The following MFHAS1 variants were observed in gnomAD, a reference collection of about 807,000 sequenced individuals.
MFHAS1 encodes the protein multifunctional ROCO family signaling regulator 1, also known as malignant fibrous histiocytoma-amplified sequence 1.
A neutral mutation model predicts 70.4 loss-of-function variants in MFHAS1; 50 were observed. The observed-to-expected ratio is 0.71, with a 90% CI of 0.57 to 0.90. The LOEUF is 0.90. Ranked by LOEUF, MFHAS1 falls within the 40% of genes least tolerant of loss-of-function variation. The pLI, the probability that MFHAS1 is intolerant of heterozygous loss-of-function variation, is 0.00. For missense variants in MFHAS1, 1,795 were observed against 1,347.6 expected (o/e 1.33, Z -5.20); for synonymous variants, 952 against 620.0 (o/e 1.54, Z -7.96).
At chr8:8,803,279 G>A (rs1259829113) in intron 1 of MFHAS1, among the ~76,000 whole-genome samples, 1 of 151,980 alleles carries the variant, frequency 6.6e-6, no homozygotes, top group Non-Finnish European at 1.5e-5. Flanking sequence ...GGGAGGCCGA[G>A]GGGTGGGGGC....
intron 1 of MFHAS1, among the ~76,000 whole-genome samples, chr8:8,853,628 G>A (rs1317357876): frequency 1.4e-4 from 22 of 152,112 alleles, no homozygotes; most frequent in Admixed American, 1.2e-3. Flanking sequence ...GTGCAATGGC[G>A]CAATCTCAGC....
At chr8:8,857,731 G>A (rs548215078) in intron 1 of MFHAS1, among the ~76,000 whole-genome samples, 1 of 151,658 alleles carries the variant, frequency 6.6e-6, no homozygotes, top group Non-Finnish European at 1.5e-5. Flanking sequence ...AGGCACTCTA[G>A]CCTGGGCAAC....
At chr8:8,862,758 G>A (rs956324291) in intron 1 of MFHAS1, among the ~76,000 whole-genome samples, 4 of 152,146 alleles carry the variant, frequency 2.6e-5, no homozygotes, top group Admixed American at 6.5e-5. Flanking sequence ...TAGGTTCATC[G>A]ATTGTAACCA....
chr8:8,817,259 T>C (rs1806781078), intron 1 of MFHAS1, among the ~76,000 whole-genome samples: 1 of 150,882 alleles, frequency 6.6e-6, no homozygotes, highest in Non-Finnish European at 1.5e-5. Flanking sequence ...CTGGCTTCTA[T>C]GAAAGGAAAA....
chr8:8,807,981 T>C (rs367967736), intron 1 of MFHAS1, among the ~76,000 whole-genome samples: 28 of 152,254 alleles, frequency 1.8e-4, no homozygotes, highest in East Asian at 1.2e-3. Context: ...TCTGAAAATA[T>C]TAAATGAAAA....
intron 1 of MFHAS1, among the ~76,000 whole-genome samples, chr8:8,832,945 G>C (rs898426848): frequency 6.6e-6 from 1 of 152,130 alleles, no homozygotes; most frequent in Non-Finnish European, 1.5e-5. Flanking sequence ...AAAGAAAAGA[G>C]GCTTAATTGG....
intron 1 of MFHAS1, among the ~76,000 whole-genome samples, chr8:8,874,331 T>TACAC (rs35271686): frequency 1.5e-3 from 212 of 144,786 alleles, no homozygotes; most frequent in Middle Eastern, 7.0e-3. Flanking sequence ...TATAACATTC[T>TACAC]ACACACACAC....
chr8:8,892,487 T>C lies in MFHAS1; in HGVS notation c.572A>G (p.Asn191Ser). The part of the protein sequence containing the change: ...SRLRTLDVDH[N>S]QLTAFPRQLL... The stretch of plus-strand genomic sequence containing the variant: ...CTGCCGGGGGAAGGCAGTGAGCTGG[T>C]TGTGATCCACGTCCAGGGTGCGCAG... The change falls in exon 1 of 3, where the codon AAC (asparagine) becomes AGC (serine). Residue 191 changes from asparagine (N) to serine (S), a missense_variant. Asn to Ser is a conservative substitution (Grantham distance 46). Coordinates refer to ENST00000276282, the MANE Select transcript of MFHAS1 (RefSeq NM_004225.3). This position sits in a 1 kb window ranked among gnomAD's most constrained non-coding sequence, Gnocchi z 4.7. 1 of 1,606,168 alleles carries C rather than the reference T, an allele frequency of 6.2e-7. No homozygotes were observed. Among genetic ancestry groups the C allele is most frequent in the Non-Finnish European group, 8.5e-7 (1 of 1,176,424 alleles).
At chr8:8,820,012 A>G (rs1027850577) in intron 1 of MFHAS1, among the ~76,000 whole-genome samples, 1 of 152,166 alleles carries the variant, frequency 6.6e-6, no homozygotes, top group African/African-American at 2.4e-5. Flanking sequence ...CAGACTATCT[A>G]TGAAACACAA....
intron 1 of MFHAS1, among the ~76,000 whole-genome samples, chr8:8,828,294 T>C (rs1807239304): frequency 6.6e-6 from 1 of 152,316 alleles, no homozygotes; most frequent in African/African-American, 2.4e-5. Flanking sequence ...TAATGTCTAA[T>C]AGGATATAGT....
chr8:8,878,626 T>C (rs550796337), intron 1 of MFHAS1, among the ~76,000 whole-genome samples: 3 of 152,126 alleles, frequency 2.0e-5, no homozygotes, highest in Non-Finnish European at 4.4e-5. Flanking sequence ...GTTTTATGTT[T>C]TCCCTTTCCA....
chr8:8,851,482 C>T (rs150748289), intron 1 of MFHAS1, among the ~76,000 whole-genome samples: 176 of 152,324 alleles, frequency 1.2e-3, no homozygotes, highest in African/African-American at 4.2e-3. Context: ...GCTCTTCAAA[C>T]TCTACGTGTG....
In MFHAS1 at chr8:8,887,458, AC is replaced by A. The variant is rs1261692004; in HGVS notation, c.2998+2602del. On this transcript the variant is annotated intron_variant, in intron 1 of 2. Coordinates refer to ENST00000276282, the MANE Select transcript of MFHAS1 (RefSeq NM_004225.3). ...ATAATCATGTTTTCTACTATTCTAT[AC>A]CCTCTGCTACTTTTGAAAAACAACA... is the stretch of plus-strand genomic sequence containing the variant. Among the ~76,000 whole-genome samples, 4 of 151,544 alleles carry A rather than the reference AC, an allele frequency of 2.6e-5. No homozygotes were observed. In the East Asian group the frequency reaches 7.7e-4, roughly 29 times the overall value.
At chr8:8,796,235 TG>T (rs1805888955) in intron 2 of MFHAS1, among the ~76,000 whole-genome samples, 1 of 152,088 alleles carries the variant, frequency 6.6e-6, no homozygotes, top group Non-Finnish European at 1.5e-5. Context: ...GGCAAGGTGG[TG>T]GCAAACTGCA....
chr8:8,848,971 T>C lies in MFHAS1; in HGVS notation c.2998+41090A>G, dbSNP rs555717302. Among the ~76,000 whole-genome samples the C allele has an allele frequency of 2.0e-5, 3 of 152,178 alleles. No homozygotes were observed. In the South Asian group the frequency reaches 6.2e-4, roughly 32 times the overall value. On this transcript the variant is annotated intron_variant, in intron 1 of 2. Transcript: ENST00000276282. ...CTATTATACTTACTTTTTTCTTAAA[T>C]TGCTACATGATGGAATTGACCACTT...
intron 1 of MFHAS1, among the ~76,000 whole-genome samples, chr8:8,847,473 C>G (rs1043389745): frequency 1.3e-5 from 2 of 152,156 alleles, no homozygotes; most frequent in South Asian, 4.1e-4. Context: ...TGAGTCACCA[C>G]GCCCGGCCAG....
At chr8:8,821,874 C>A (rs996709471) in intron 1 of MFHAS1, 1 of 152,244 alleles carries the variant, frequency 6.6e-6, no homozygotes, top group Non-Finnish European at 1.5e-5. Context: ...GATAAGCCCG[C>A]GTCAAAAGGA....
At chr8:8,840,381 T>C (rs1035535860) in intron 1 of MFHAS1, among the ~76,000 whole-genome samples, 4 of 145,294 alleles carry the variant, frequency 2.8e-5, no homozygotes, top group Admixed American at 7.4e-5. Context: ...CACTTGAACC[T>C]GGGAGACGGA....
At chr8:8,868,483 C>T (rs1429332402) in intron 1 of MFHAS1, among the ~76,000 whole-genome samples, 1 of 151,370 alleles carries the variant, frequency 6.6e-6, no homozygotes, top group African/African-American at 2.4e-5. Flanking sequence ...ACACTGGAAC[C>T]AGCCCTTGGT....
Sources: gnomAD v4.1 joint callset for allele counts (sites outside exome capture counted in the v4.1 genomes callset) on GRCh38, gnomAD v4.1.1 for gene constraint, Gnocchi (gnomAD v3.1) non-coding constraint, MANE v1.5 for transcripts, NCBI Gene and HGNC (gene_info 2026-07-23, HGNC 2026-07-21) for gene names.